Variants in ZNF730 observed in about 807,000 individuals in gnomAD.
ZNF730 encodes the protein putative zinc finger protein 730.
In ZNF730, 12 loss-of-function variants were observed where a neutral mutation model predicts 12.6. The ratio of observed to expected loss-of-function variants is 0.95; its 90% CI spans 0.61 to 1.54. The LOEUF (loss-of-function observed/expected upper bound fraction) is 1.54. ZNF730 is among the 40% of genes most tolerant of loss of function. The pLI is 0.00. For missense variants in ZNF730, 643 were observed against 583.5 expected, an observed-to-expected ratio of 1.10 and a Z score of -1.05; for synonymous variants, 194 against 195.8, an observed-to-expected ratio of 0.99 and a Z score of 0.08.
intron 1 of ZNF730, chr19:23,127,806 C>A: frequency 2.8e-6 from 2 of 718,262 alleles, no homozygotes; most frequent in South Asian, 3.0e-5. Context: ...GGCTGCTCCA[C>A]AGGATGATAG....
chr19:23,127,200 A>G, intron 1 of ZNF730: 2 of 587,498 alleles, frequency 3.4e-6, no homozygotes, highest in East Asian at 3.8e-5. Flanking sequence ...CTCCGGAAAT[A>G]ATTACTCCAT....
In ZNF730 at chr19:23,145,427, A is replaced by G. The variant is rs775617281; in HGVS notation, c.383A>G (p.Lys128Arg). The change falls in exon 4 of 4, where the codon AAA (lysine) becomes AGA (arginine). Residue 128 changes from lysine to arginine, a missense_variant. Transcript: ENST00000597761. ...GTGGATGAGTTTAAGATGCACAAAA[A>G]AGGTTATAATAGACATAACCAGTGT... The part of the protein sequence containing the change: ...KNVDEFKMHK[K>R]GYNRHNQCLT... 6.3e-7 allele frequency: 1 copy of G among 1,583,240 alleles called. No individual in the cohort carries two copies. The highest frequency in any genetic ancestry group is 1.4e-5 in the African/African-American group (1 of 73,926).
At chr19:23,099,290 G>A (rs1036227220) in intron 1 of ZNF730, among the ~76,000 whole-genome samples, 2 of 151,962 alleles carry the variant, frequency 1.3e-5, no homozygotes, top group African/African-American at 4.8e-5. Context: ...ACTTAGAGCC[G>A]CATAAGATCA....
intron 1 of ZNF730, among the ~76,000 whole-genome samples, chr19:23,118,372 T>TTG (rs1464243727): frequency 4.6e-5 from 7 of 151,266 alleles, no homozygotes; most frequent in South Asian, 4.2e-4. Flanking sequence ...TTTTGTTTTT[T>TTG]TTTTTTGTTT....
intron 1 of ZNF730, among the ~76,000 whole-genome samples, chr19:23,101,973 C>T (rs576609682): frequency 5.3e-5 from 8 of 152,260 alleles, no homozygotes; most frequent in Admixed American, 1.3e-4. Flanking sequence ...GGTTATGTGA[C>T]TACTTTTTTG....
chr19:23,103,363 A>G (rs543553414), intron 1 of ZNF730, among the ~76,000 whole-genome samples: 1 of 152,374 alleles, frequency 6.6e-6, no homozygotes, highest in African/African-American at 2.4e-5. Context: ...AAATTGAAAT[A>G]AAAGCACAAC....
intron 2 of ZNF730, among the ~76,000 whole-genome samples, chr19:23,135,685 G>A (rs919552977): frequency 5.3e-5 from 8 of 151,692 alleles, no homozygotes; most frequent in South Asian, 2.1e-4. Flanking sequence ...TAATTTTTTC[G>A]TATTTTTAGT....
At chr19:23,101,838 G>A (rs1197021946) in intron 1 of ZNF730, among the ~76,000 whole-genome samples, 1 of 152,202 alleles carries the variant, frequency 6.6e-6, no homozygotes, top group Non-Finnish European at 1.5e-5. Flanking sequence ...AAAGTCCTGG[G>A]ATTACAGGTA....
intron 1 of ZNF730, among the ~76,000 whole-genome samples, chr19:23,093,190 G>T (rs796201328): frequency 2.6e-5 from 4 of 152,282 alleles, no homozygotes; most frequent in African/African-American, 9.6e-5. Context: ...TAGCCAGGCT[G>T]TTCTCGAACT....
chr19:23,128,026 G>C (rs1970692294), intron 1 of ZNF730: 1 of 753,926 alleles, frequency 1.3e-6, no homozygotes, highest in Non-Finnish European at 2.4e-6. Flanking sequence ...CAAGATCTGT[G>C]AAGGCCAAGT....
intron 1 of ZNF730, among the ~76,000 whole-genome samples, chr19:23,092,928 G>C (rs1238851166): frequency 1.3e-5 from 2 of 152,166 alleles, no homozygotes; most frequent in Non-Finnish European, 1.5e-5. Flanking sequence ...TTGGTGTGAA[G>C]ATTGTCCTGG....
At chr19:23,127,681 A>G in intron 1 of ZNF730, 2 of 1,235,856 alleles carry the variant, frequency 1.6e-6, no homozygotes, top group Non-Finnish European at 2.4e-6. Flanking sequence ...CACTAAGAGC[A>G]TCAGAAATGT....
At chr19:23,106,128 TA>T (rs1013673951) in intron 1 of ZNF730, among the ~76,000 whole-genome samples, 3 of 147,144 alleles carry the variant, frequency 2.0e-5, no homozygotes, top group Admixed American at 1.4e-4. Flanking sequence ...AAGACCTTCC[TA>T]AAAAAAAGAA....
intron 1 of ZNF730, among the ~76,000 whole-genome samples, chr19:23,100,905 C>G (rs1277286987): frequency 6.6e-6 from 1 of 152,238 alleles, no homozygotes; most frequent in East Asian, 1.9e-4. Flanking sequence ...CTGCCCACCT[C>G]AGCCTCCCAA....
At chr19:23,127,575 TAAA>T in intron 1 of ZNF730, 1 of 933,114 alleles carries the variant, frequency 1.1e-6, no homozygotes, top group Non-Finnish European at 1.8e-6. Flanking sequence ...TGAAGCCAGA[TAAA>T]TTGCTCATGT....
chr19:23,079,490 G>A (rs762958146), intron 1 of ZNF730, among the ~76,000 whole-genome samples: 2 of 152,160 alleles, frequency 1.3e-5, no homozygotes, highest in Non-Finnish European at 2.9e-5. Context: ...AGTAGTCAAG[G>A]AAATAATCTT....
intron 1 of ZNF730, among the ~76,000 whole-genome samples, chr19:23,104,547 T>C (rs904479601): frequency 2.0e-5 from 3 of 152,190 alleles, no homozygotes; most frequent in African/African-American, 7.2e-5. Flanking sequence ...TAGGAATATG[T>C]TTGTTTTTCT....
intron 1 of ZNF730, among the ~76,000 whole-genome samples, chr19:23,124,375 A>G (rs2145619882): frequency 6.6e-6 from 1 of 152,356 alleles, no homozygotes; most frequent in South Asian, 2.1e-4. Flanking sequence ...TATACCTACC[A>G]GTAAAATGCA....
chr19:23,114,305 C>CTT (rs869304180), upstream of ZNF730, among the ~76,000 whole-genome samples: 35,263 of 101,066 alleles, frequency 0.35, 7,625 homozygotes, highest in East Asian at 0.66. Flanking sequence ...TTTTTCTTTT[C>CTT]TTTTTTTTTT....
Sources: allele counts gnomAD v4.1 joint callset (sites outside exome capture counted in the v4.1 genomes callset), GRCh38; gene constraint gnomAD v4.1.1; transcripts MANE v1.5; gene names NCBI Gene and HGNC (gene_info 2026-07-23, HGNC 2026-07-21).